Variants in PALM2AKAP2 observed in about 807,000 individuals in gnomAD.
PALM2AKAP2 encodes the protein PALM2 and AKAP2 fusion, also known as PALM2-AKAP2 fusion protein.
PALM2AKAP2 carries 37 observed loss-of-function variants against 71.5 expected under a neutral mutation model. The observed-to-expected ratio is 0.52, with a 90% CI of 0.40 to 0.68. The LOEUF is 0.68. Among genes scored for constraint, PALM2AKAP2 ranks in the 30% least tolerant of loss-of-function variants. The pLI, the probability that PALM2AKAP2 is intolerant of heterozygous loss-of-function variation, is 0.00. For missense variants in PALM2AKAP2, 1,224 were observed against 1,191.8 expected (o/e 1.03, Z -0.40); for synonymous variants, 468 against 478.8 (o/e 0.98, Z 0.29).
chr9:110,066,745 G>A (rs1247117347), intron 1 of PALM2AKAP2, among the ~76,000 whole-genome samples: 1 of 151,348 alleles, frequency 6.6e-6, no homozygotes, highest in Admixed American at 6.6e-5. Flanking sequence ...GCTGGCACAC[G>A]GTTAGAACTC....
At chr9:110,056,444 A>G (rs894198530) in intron 1 of PALM2AKAP2, among the ~76,000 whole-genome samples, 1 of 152,200 alleles carries the variant, frequency 6.6e-6, no homozygotes, top group African/African-American at 2.4e-5. Context: ...ATCTTAGTTA[A>G]TATTCCAGAA....
chr9:110,102,195 G>A (rs756454520), intron 1 of PALM2AKAP2, among the ~76,000 whole-genome samples: 3 of 152,172 alleles, frequency 2.0e-5, no homozygotes, highest in African/African-American at 4.8e-5. Context: ...ACGGCTTTGT[G>A]TCTCCTCTGC....
upstream of PALM2AKAP2, chr9:109,780,243 A>T: frequency 1.8e-6 from 2 of 1,108,998 alleles, no homozygotes; most frequent in Non-Finnish European, 2.2e-6. Context: ...GGCGACCGGG[A>T]GATGCAGTGA....
chr9:109,839,458 C>G (rs1395459068), intron 1 of PALM2AKAP2, among the ~76,000 whole-genome samples: 1 of 152,146 alleles, frequency 6.6e-6, no homozygotes, highest in East Asian at 1.9e-4. Flanking sequence ...TGGAAGCATT[C>G]CCTTTGAAAA....
chr9:109,990,459 A>G (rs1252290222), intron 6 of PALM2AKAP2, among the ~76,000 whole-genome samples: 2 of 152,164 alleles, frequency 1.3e-5, no homozygotes, highest in Admixed American at 6.5e-5. Context: ...GTGAGCCCAC[A>G]TATTTCTGTA....
At chr9:109,888,120 A>G (rs963488305) in intron 3 of PALM2AKAP2, among the ~76,000 whole-genome samples, 1 of 152,140 alleles carries the variant, frequency 6.6e-6, no homozygotes, top group Admixed American at 6.5e-5. Flanking sequence ...TCCTGATTGC[A>G]CTTTCTAGCC....
At chr9:109,836,356 A>G (rs1828476273) in intron 1 of PALM2AKAP2, among the ~76,000 whole-genome samples, 2 of 152,238 alleles carry the variant, frequency 1.3e-5, no homozygotes, top group Non-Finnish European at 2.9e-5. Context: ...CAGAAAGGAC[A>G]TCGACACCAA....
At chr9:109,850,616 G>A (rs750772787) in intron 1 of PALM2AKAP2, among the ~76,000 whole-genome samples, 19 of 152,170 alleles carry the variant, frequency 1.2e-4, no homozygotes, top group Non-Finnish European at 2.1e-4. Flanking sequence ...GCTAGGTAGA[G>A]TCAAGCTCTA....
chr9:110,097,976 C>A (rs568686539), intron 1 of PALM2AKAP2, among the ~76,000 whole-genome samples: 1 of 144,056 alleles, frequency 6.9e-6, no homozygotes, highest in Admixed American at 6.7e-5. Context: ...CCGGCCAACA[C>A]AGCGAAACCC....
At chr9:109,740,439 G>T (rs1464695144) in intron 1 of PALM2AKAP2, among the ~76,000 whole-genome samples, 1 of 152,092 alleles carries the variant, frequency 6.6e-6, no homozygotes, top group Non-Finnish European at 1.5e-5. Flanking sequence ...AGACCTGATG[G>T]AAGGGAAGAA....
intron 1 of PALM2AKAP2, among the ~76,000 whole-genome samples, chr9:110,118,455 CCAGGCTGGT>C (rs1199336870): frequency 6.6e-6 from 1 of 152,072 alleles, no homozygotes; most frequent in Non-Finnish European, 1.5e-5. Flanking sequence ...GCAACGTTGG[CCAGGCTGGT>C]CTCAAGCTCC....
At chr9:109,820,324 A>G (rs890633445) in intron 1 of PALM2AKAP2, among the ~76,000 whole-genome samples, 45 of 152,306 alleles carry the variant, frequency 3.0e-4, no homozygotes, top group Middle Eastern at 3.4e-3. Context: ...GACATTCTCA[A>G]AAGAGAATTG....
At chr9:110,042,587 A>G (rs1364296103) in intron 7 of PALM2AKAP2, among the ~76,000 whole-genome samples, 1 of 152,208 alleles carries the variant, frequency 6.6e-6, no homozygotes, top group Admixed American at 6.5e-5. Context: ...GAGTAAGCAA[A>G]TGATCTTTGT....
intron 1 of PALM2AKAP2, among the ~76,000 whole-genome samples, chr9:110,096,963 A>ATT (rs934005719): frequency 1.5e-4 from 20 of 132,556 alleles, no homozygotes; most frequent in East Asian, 7.0e-4. Context: ...TTTATTTATT[A>ATT]TTTTTTTTAT....
intron 1 of PALM2AKAP2, among the ~76,000 whole-genome samples, chr9:109,697,405 A>T (rs1328190876): frequency 6.6e-6 from 1 of 152,176 alleles, no homozygotes; most frequent in Admixed American, 6.5e-5. Flanking sequence ...GGGTCTATGA[A>T]ATTAGAAGGA....
intron 6 of PALM2AKAP2, among the ~76,000 whole-genome samples, chr9:109,961,725 AAT>A (rs1831854624): frequency 1.3e-5 from 2 of 152,244 alleles, no homozygotes; most frequent in African/African-American, 4.8e-5. Flanking sequence ...ATACAGACAC[AAT>A]GCTGAGGGCA....
At chr9:109,960,483 A>T (rs1162676311) in intron 6 of PALM2AKAP2, among the ~76,000 whole-genome samples, 2 of 152,218 alleles carry the variant, frequency 1.3e-5, no homozygotes, top group Non-Finnish European at 2.9e-5. Context: ...GACAATCAAG[A>T]TATAATGCAT....
At chr9:110,071,163 C>CAAAAAAAAAAAAAAAAA (rs768229567) in intron 1 of PALM2AKAP2, among the ~76,000 whole-genome samples, 3 of 101,848 alleles carry the variant, frequency 2.9e-5, no homozygotes, top group African/African-American at 8.3e-5. Context: ...GACTCTGTTT[C>CAAAAAAAAAAAAAAAAA]AAAAAAAAAA....
intron 6 of PALM2AKAP2, among the ~76,000 whole-genome samples, chr9:110,006,324 CTCTTTCTTTCTTTCTTTCTTTCTT>C (rs201648047): frequency 3.9e-5 from 4 of 102,102 alleles, no homozygotes; most frequent in Non-Finnish European, 5.8e-5. Context: ...TTCCTTCCTT[CTCTTTCTTTCTTTCTTTCTTTCTT>C]TCTTTCTTTC....
Sources: allele counts gnomAD v4.1 joint callset (sites outside exome capture counted in the v4.1 genomes callset), GRCh38; gene constraint gnomAD v4.1.1; transcripts MANE v1.5; gene names NCBI Gene and HGNC (gene_info 2026-07-23, HGNC 2026-07-21).